CCDC88C: variants seen among roughly 807,000 people sequenced by gnomAD.
The protein encoded by CCDC88C is coiled-coil and HOOK domain protein 88C.
A neutral mutation model predicts 198.8 loss-of-function variants in CCDC88C; 131 were observed. That is an observed-to-expected ratio of 0.66 (90% confidence interval 0.57 to 0.76). The LOEUF (loss-of-function observed/expected upper bound fraction) is 0.76. Among genes scored for constraint, CCDC88C ranks in the 30% least tolerant of loss-of-function variants. The pLI is 0.00. For synonymous variants in CCDC88C, 1,166 were observed against 1,114.7 expected (o/e 1.05, Z -0.92); for missense variants, 2,553 against 2,631.6 (o/e 0.97, Z 0.65).
At chr14:91,393,162 C>T (rs992456923) in intron 3 of CCDC88C, among the ~76,000 whole-genome samples, 7 of 152,138 alleles carry the variant, frequency 4.6e-5, no homozygotes, top group African/African-American at 1.7e-4. Flanking sequence ...GTCATCACCC[C>T]CATCTGACAA....
At chr14:91,285,379 C>T (rs529376564) in intron 25 of CCDC88C, 3 of 452,618 alleles carry the variant, frequency 6.6e-6, no homozygotes, top group East Asian at 7.0e-5. Context: ...GAGGGGGGCA[C>T]GGCCACTCGA....
At chr14:91,398,414 G>A (rs754836348) in intron 3 of CCDC88C, among the ~76,000 whole-genome samples, 3 of 152,190 alleles carry the variant, frequency 2.0e-5, no homozygotes, top group Non-Finnish European at 4.4e-5. Context: ...CCAACACCTT[G>A]GGAGGCCAAG....
intron 3 of CCDC88C, among the ~76,000 whole-genome samples, chr14:91,366,257 G>A (rs951443071): frequency 1.3e-5 from 2 of 151,904 alleles, no homozygotes; most frequent in Non-Finnish European, 2.9e-5. Context: ...AGGCCAAGGC[G>A]AGCGGGTCAC....
Position 91,272,326 on chromosome 14 carries a change from G to GTC in CCDC88C, c.*298_*299insGA. 9.6e-6 allele frequency: 4 copies of GTC among 418,740 alleles called. No individual in the cohort carries two copies. Among genetic ancestry groups the GTC allele is most frequent in the South Asian group, 8.3e-5 (3 of 36,330 alleles). The allele number at this position is 418,740 out of a possible 1,614,324, so 25.9% of individuals were successfully genotyped here. A position where few individuals can be genotyped will look rare whatever the true frequency, so the allele number is the denominator to read the frequency against. ...ACATACTGGAGTAGTGTCTGCTTTG[G>GTC]GGGAAGTCAGTTTGTCATTGCATCC... On this transcript the variant is annotated 3_prime_UTR_variant, in exon 30 of 30. Transcript: ENST00000389857.
At chr14:91,370,270 G>A (rs1894732454) in intron 3 of CCDC88C, among the ~76,000 whole-genome samples, 2 of 152,192 alleles carry the variant, frequency 1.3e-5, no homozygotes, top group African/African-American at 4.8e-5. Context: ...GGAAGGGAGG[G>A]GCTGGAAAAA....
intron 3 of CCDC88C, among the ~76,000 whole-genome samples, chr14:91,383,833 G>C (rs1226234889): frequency 6.6e-6 from 1 of 152,220 alleles, no homozygotes; most frequent in Non-Finnish European, 1.5e-5. Context: ...CCCCAGAAGA[G>C]AAGAGGCTTC....
rs193294510 is a variant in CCDC88C at position 91,415,243 on chromosome 14, C to T, written c.161+1495G>A. 1.1e-4 allele frequency among the ~76,000 whole-genome samples: 16 copies of T among 152,198 alleles called. No individual in the cohort carries two copies. In the East Asian group the frequency reaches 3.1e-3, roughly 29 times the overall value. ...ATGCCACGAGACAGCTTCCGGAAAA[C>T]TCAGTTTCAACAAAGTTATCTAAGA... On this transcript the variant is annotated intron_variant, in intron 2 of 29. Transcript: ENST00000389857.
intron 4 of CCDC88C, among the ~76,000 whole-genome samples, chr14:91,351,234 C>T (rs559882845): frequency 6.6e-6 from 1 of 152,298 alleles, no homozygotes; most frequent in African/African-American, 2.4e-5. Context: ...CCACTAACTG[C>T]TTTCCCTGGT....
At chr14:91,320,986 A>G (rs377445200) in intron 13 of CCDC88C, 134 bp downstream of exon 13, 4 of 810,334 alleles carry the variant, frequency 4.9e-6, no homozygotes, top group Non-Finnish European at 1.9e-6. Flanking sequence ...CTGCGCCTGG[A>G]TTCTGTCCAC....
rs142332199 is a variant in CCDC88C, at chr14:91,353,581, T to C, written c.340+6061A>G. Among the ~76,000 whole-genome samples the C allele has an allele frequency of 1.5e-3, 231 of 152,208 alleles. 2 individuals carry two copies. Among genetic ancestry groups the C allele is most frequent in the Middle Eastern group, 0.014 (4 of 294 alleles). ...GAGGAAGGATGAAAAGGTACTCCAG[T>C]CTTTTATTTGGGGAGGTCAGAAGTC... On this transcript the variant is annotated intron_variant, in intron 4 of 29. Transcript: ENST00000389857.
chr14:91,362,931 GAAAAAAAA>G, intron 3 of CCDC88C, among the ~76,000 whole-genome samples: 1 of 123,844 alleles, frequency 8.1e-6, no homozygotes, highest in Admixed American at 8.3e-5. Flanking sequence ...TCCATCTCAG[GAAAAAAAA>G]AAAAAAAGAA....
chr14:91,318,956 G>A (rs1892231179), intron 13 of CCDC88C, among the ~76,000 whole-genome samples: 1 of 149,406 alleles, frequency 6.7e-6, no homozygotes, highest in East Asian at 1.9e-4. Context: ...CAGAGCCAAG[G>A]GACCCAGGTG....
intron 10 of CCDC88C, among the ~76,000 whole-genome samples, chr14:91,333,254 T>C (rs1489973203): frequency 2.6e-5 from 4 of 152,270 alleles, no homozygotes; most frequent in Admixed American, 6.5e-5. Context: ...ATATACTTAC[T>C]GTACCCTGTT....
intron 23 of CCDC88C, among the ~76,000 whole-genome samples, chr14:91,293,712 G>A (rs188396134): frequency 2.6e-5 from 4 of 152,114 alleles, no homozygotes; most frequent in Admixed American, 2.6e-4. Context: ...AATGGATGAA[G>A]CTCTGTTCAC....
chr14:91,354,611 C>T (rs1893961880), intron 4 of CCDC88C, among the ~76,000 whole-genome samples: 1 of 152,166 alleles, frequency 6.6e-6, no homozygotes, highest in South Asian at 2.1e-4. Context: ...AACTGGCCTT[C>T]TTATCTATGA....
At chr14:91,275,533 A>G (rs1889920188) in intron 29 of CCDC88C, among the ~76,000 whole-genome samples, 1 of 150,312 alleles carries the variant, frequency 6.7e-6, no homozygotes, top group African/African-American at 2.5e-5. Flanking sequence ...GCTGGAGTGC[A>G]GTGGCACAAT....
intron 21 of CCDC88C, among the ~76,000 whole-genome samples, chr14:91,298,275 G>C (rs1411740148): frequency 6.6e-6 from 1 of 152,104 alleles, no homozygotes; most frequent in Non-Finnish European, 1.5e-5. Context: ...TCTGCAAAAA[G>C]TAGAAAAAAG....
At chr14:91,304,160 G>C (rs1383373458) in intron 19 of CCDC88C, among the ~76,000 whole-genome samples, 182 bp from the exon 20 acceptor site, 1 of 152,228 alleles carries the variant, frequency 6.6e-6, no homozygotes, top group Non-Finnish European at 1.5e-5. Context: ...GGACTAAACC[G>C]CATAGACGGG....
At position 91,284,532 on chromosome 14, in the gene CCDC88C, C is replaced by T. The variant is rs2139730963; in HGVS notation, c.4442-1015G>A. On this transcript the variant is annotated intron_variant, in intron 25 of 29. Transcript: ENST00000389857. The surrounding 1 kb of genome is among the most constrained non-coding windows in gnomAD (Gnocchi z 4.1). ...CTAAAATGAGGATCCACAGGGGAGG[C>T]AGAGATGAGTGAACAGTTAGCATGA... Among the ~76,000 whole-genome samples, 1 of 152,250 alleles carries T rather than the reference C, an allele frequency of 6.6e-6. No homozygotes were observed. The highest frequency in any genetic ancestry group is 1.5e-5 in the Non-Finnish European group (1 of 68,022).
Sources: gnomAD v4.1 joint callset for allele counts (sites outside exome capture counted in the v4.1 genomes callset) on GRCh38, gnomAD v4.1.1 for gene constraint, Gnocchi (gnomAD v3.1) non-coding constraint, MANE v1.5 for transcripts, NCBI Gene and HGNC (gene_info 2026-07-23, HGNC 2026-07-21) for gene names.